The following MYOM2 variants were observed in gnomAD, a reference collection of about 807,000 sequenced individuals.
The protein encoded by MYOM2 is myomesin-2.
In MYOM2, 254 loss-of-function variants were observed where a neutral mutation model predicts 187.6. That is an observed-to-expected ratio of 1.35 (90% CI 1.22 to 1.50). The LOEUF (loss-of-function observed/expected upper bound fraction) is 1.50. Among genes scored for constraint, MYOM2 ranks in the 40% most tolerant of loss-of-function variants. MYOM2 has a pLI of 0.00. For missense variants in MYOM2, 2,796 were observed against 1,924.0 expected (o/e 1.45, Z -8.48); for synonymous variants, 981 against 753.8 (o/e 1.30, Z -4.94).
chr8:2,110,873 T>C (rs771866198), intron 25 of MYOM2, among the ~76,000 whole-genome samples: 15 of 152,212 alleles, frequency 9.9e-5, no homozygotes, highest in Non-Finnish European at 1.8e-4. Context: ...AATTTTCTTC[T>C]CCAGTCAGTC....
chr8:2,060,973 G>T (rs1818833684), intron 6 of MYOM2, among the ~76,000 whole-genome samples: 1 of 152,020 alleles, frequency 6.6e-6, no homozygotes, highest in Admixed American at 6.5e-5. Context: ...GGGGGTGAGG[G>T]GGTTCCGGCC....
chr8:2,086,137 G>A (rs1367273318), intron 14 of MYOM2, among the ~76,000 whole-genome samples: 4 of 16,966 alleles, frequency 2.4e-4, no homozygotes, highest in Non-Finnish European at 3.8e-4. Context: ...CCCCACTGTC[G>A]TGATCTCTGC....
chr8:2,097,023 C>G, intron 18 of MYOM2: 3 of 676,144 alleles, frequency 4.4e-6, no homozygotes, highest in Non-Finnish European at 3.7e-6. Context: ...CCCTTGACCC[C>G]TCATCTGAGC....
chr8:2,082,522 GA>G (rs1350418642), intron 13 of MYOM2, among the ~76,000 whole-genome samples: 1 of 152,108 alleles, frequency 6.6e-6, no homozygotes, highest in Non-Finnish European at 1.5e-5. Context: ...ACTTTTTGCC[GA>G]GTTTTTCTCA....
chr8:2,141,453 G>A (rs1003521542), intron 34 of MYOM2, among the ~76,000 whole-genome samples: 7 of 152,192 alleles, frequency 4.6e-5, no homozygotes, highest in Non-Finnish European at 1.0e-4. Context: ...AAAGAAACAC[G>A]CAAAGCAGAT....
chr8:2,142,419 A>G, intron 35 of MYOM2, 22 bp downstream of exon 35: 1 of 1,612,950 alleles, frequency 6.2e-7, no homozygotes. Flanking sequence ...TTGGATTGTA[A>G]CCAGGATGGT....
Position 2,123,625 on chromosome 8 carries a change from T to G in MYOM2, c.3638T>G (p.Leu1213Arg), listed in dbSNP as rs1380116501. ...GACAGAGGCCAAGATGTGTCCATCCTTGAAATAGCTGGCAAAGGTAAAAGA... is the reference window on the plus strand; with the variant it reads ...GACAGAGGCCAAGATGTGTCCATCCGTGAAATAGCTGGCAAAGGTAAAAGA... ...KDDRGQDVSI[L>R]EIAGKVYDDM... is the part of the protein sequence containing the mutation. The change falls in exon 30 of 37, where the codon CTT becomes CGT. Residue 1213 changes from leucine to arginine, a missense_variant. Leu to Arg is a moderately radical substitution (Grantham distance 102). Coordinates refer to ENST00000262113, the MANE Select transcript of MYOM2 (RefSeq NM_003970.4). 2 of 1,614,022 alleles carry G rather than the reference T, an allele frequency of 1.2e-6. No individual in the cohort carries two copies. The highest frequency in any genetic ancestry group is 3.3e-5 in the Admixed American group (2 of 60,004).
chr8:2,080,814 G>A (rs1181605064), intron 13 of MYOM2, among the ~76,000 whole-genome samples: 12 of 151,938 alleles, frequency 7.9e-5, no homozygotes, highest in African/African-American at 2.7e-4. Context: ...GTTGGTTCTG[G>A]CCTCCGGGAG....
In MYOM2 at chr8:2,102,664, A is replaced by G; in HGVS notation, c.2620-3A>G. ...CATCTGGTGTTTCCTCTGTTGTTTC[A>G]AGGTCTCTGACCTGCAGCAAGGTAA... On this transcript the variant is annotated splice_region_variant and splice_polypyrimidine_tract_variant and intron_variant, in intron 20 of 36. Transcript: ENST00000262113. 1 of 1,599,956 alleles carries G rather than the reference A, an allele frequency of 6.3e-7. No homozygotes were observed. The highest frequency in any genetic ancestry group is 8.6e-7 in the Non-Finnish European group (1 of 1,168,368).
At position 2,106,390 on chromosome 8, in the gene MYOM2, G is replaced by A. The variant is rs150184470; in HGVS notation, c.2883G>A (p.Val961=). The change falls in exon 22 of 37, where the codon GTG becomes GTA. Residue 961 remains valine (V), a synonymous_variant. Coordinates refer to ENST00000262113, the MANE Select transcript of MYOM2 (RefSeq NM_003970.4). ...SDDERFKIET[V]GDHSKLYLKN... Reference sequence around the variant, plus strand: ...ATGAGAGGTTTAAAATTGAAACCGTGGGGGATCAGTAAGTGAGGCCTGGAA... The same window carrying A: ...ATGAGAGGTTTAAAATTGAAACCGTAGGGGATCAGTAAGTGAGGCCTGGAA... 2.9e-4 allele frequency: 476 copies of A among 1,613,832 alleles called. 6 individuals are homozygous for A. In the African/African-American group the frequency reaches 5.5e-3, roughly 19 times the overall value.
rs755061905 is a variant in MYOM2, at chr8:2,072,383, G to T, written c.832G>T (p.Val278Phe). The T allele has an allele frequency of 1.9e-6, 3 of 1,613,702 alleles. No individual in the cohort carries two copies. The East Asian group carries it at 6.7e-5, about 36-fold the overall frequency. The change falls in exon 9 of 37, where the codon GTC becomes TTC. Residue 278 changes from valine (V) to phenylalanine (F), a missense_variant. Val to Phe is a conservative substitution (Grantham distance 50). Coordinates refer to ENST00000262113, the MANE Select transcript of MYOM2 (RefSeq NM_003970.4). ...GATGATTCCGTACACGCACTTCGAC[G>T]TCCAGTTTTTGGAGAAGTTTGGGGT... ...SSMIPYTHFD[V>F]QFLEKFGVTF... is the part of the protein sequence containing the mutation.
chr8:2,053,932 A>T (rs1036160550), intron 3 of MYOM2, among the ~76,000 whole-genome samples: 1 of 152,202 alleles, frequency 6.6e-6, no homozygotes, highest in Non-Finnish European at 1.5e-5. Context: ...AAAGGTAAAC[A>T]TAAGTCGTGG....
At chr8:2,097,929 G>T (rs969478745) in intron 18 of MYOM2, 29 of 152,132 alleles carry the variant, frequency 1.9e-4, no homozygotes, top group African/African-American at 7.0e-4. Flanking sequence ...GTTGCTGCTG[G>T]AACTTTGTCC....
At chr8:2,094,568 C>T (rs960598634) in intron 17 of MYOM2, among the ~76,000 whole-genome samples, 3 of 152,138 alleles carry the variant, frequency 2.0e-5, no homozygotes, top group Non-Finnish European at 4.4e-5. Context: ...AGGAGAGTCA[C>T]CTAATCTGGG....
intron 6 of MYOM2, among the ~76,000 whole-genome samples, chr8:2,060,441 G>C (rs1818815242): frequency 6.6e-6 from 1 of 152,114 alleles, no homozygotes; most frequent in Admixed American, 6.5e-5. Flanking sequence ...CGGGAGGTGT[G>C]GGGTGTGTGT....
At chr8:2,110,746 C>T (rs778738867) in intron 25 of MYOM2, among the ~76,000 whole-genome samples, 16 of 152,208 alleles carry the variant, frequency 1.1e-4, no homozygotes, top group Admixed American at 2.0e-4. Flanking sequence ...AGCCCCCCTA[C>T]CATATTTCTA....
chr8:2,066,178 C>A (rs933044272), intron 6 of MYOM2, among the ~76,000 whole-genome samples: 1 of 152,330 alleles, frequency 6.6e-6, no homozygotes, highest in South Asian at 2.1e-4. Flanking sequence ...GAGTCCTGCC[C>A]TGGTCCAGCA....
rs199950789 is a variant in MYOM2 at position 2,079,612 on chromosome 8, A to G, written c.1515A>G (p.Glu505=). ...KEIAIYQDDL[E]GDAQVPGPPT... Reference sequence around the variant, plus strand: ...TTGCCATTTATCAGGATGACCTTGAAGGTAAGTAGCACCTCATCACCCCAG... The same window carrying G: ...TTGCCATTTATCAGGATGACCTTGAGGGTAAGTAGCACCTCATCACCCCAG... The change falls in exon 13 of 37, where the codon GAA becomes GAG. Residue 505 remains glutamate, a splice_region_variant and synonymous_variant. Transcript: ENST00000262113. 1 of 1,613,990 alleles carries G rather than the reference A, an allele frequency of 6.2e-7. No individual in the cohort carries two copies. Among genetic ancestry groups the G allele is most frequent in the East Asian group, 2.2e-5 (1 of 44,886 alleles).
At chr8:2,138,153 T>G (rs1158750269) in intron 32 of MYOM2, among the ~76,000 whole-genome samples, 3 of 152,216 alleles carry the variant, frequency 2.0e-5, no homozygotes, top group Admixed American at 2.0e-4. Flanking sequence ...CCACTGATGC[T>G]CACCTGCCCT....
Sources: allele counts gnomAD v4.1 joint callset (sites outside exome capture counted in the v4.1 genomes callset), GRCh38; gene constraint gnomAD v4.1.1; transcripts MANE v1.5; gene names NCBI Gene and HGNC (gene_info 2026-07-23, HGNC 2026-07-21).